PDE7A: variants seen among roughly 807,000 people sequenced by gnomAD.
PDE7A encodes phosphodiesterase 7A.
PDE7A carries 39 observed loss-of-function variants against 64.3 expected under a neutral mutation model. The observed-to-expected ratio is 0.61, with a 90% confidence interval of 0.47 to 0.79. The LOEUF (loss-of-function observed/expected upper bound fraction) is 0.79, where lower values mean the gene tolerates loss of function less well. PDE7A is among the 30% of genes least tolerant of loss of function. The probability of loss-of-function intolerance (pLI) is 0.00; values close to 1 mark genes in which losing one functional copy is unlikely to be tolerated. For missense variants in PDE7A, 470 were observed against 582.8 expected (o/e 0.81, Z 1.99); for synonymous variants, 203 against 206.8 (o/e 0.98, Z 0.16).
At chr8:65,724,980 T>C in intron 9 of PDE7A, 59 bp from the exon 10 acceptor site, 2 of 1,146,896 alleles carry the variant, frequency 1.7e-6, no homozygotes, top group South Asian at 3.5e-5. Flanking sequence ...ATTTATTGAT[T>C]TTTTTTCTTA....
chr8:65,781,174 G>T (rs781437166), intron 2 of PDE7A, among the ~76,000 whole-genome samples: 1 of 152,168 alleles, frequency 6.6e-6, no homozygotes, highest in Non-Finnish European at 1.5e-5. Flanking sequence ...GTCAGAGAAG[G>T]CCTCACTGAA....
chr8:65,741,149 C>T (rs1476892963), intron 5 of PDE7A, among the ~76,000 whole-genome samples: 1 of 152,140 alleles, frequency 6.6e-6, no homozygotes, highest in Admixed American at 6.5e-5. Context: ...CCATAGGACA[C>T]ATATACTATA....
chr8:65,837,499 T>C (rs1301894150), intron 1 of PDE7A, among the ~76,000 whole-genome samples: 1 of 152,236 alleles, frequency 6.6e-6, no homozygotes, highest in African/African-American at 2.4e-5. Context: ...ATTTAGATTT[T>C]GTATACACCT....
At chr8:65,762,484 G>A (rs1406791478) in intron 3 of PDE7A, among the ~76,000 whole-genome samples, 1 of 152,162 alleles carries the variant, frequency 6.6e-6, no homozygotes, top group African/African-American at 2.4e-5. Context: ...ACACATCTGA[G>A]TTTGAATCCC....
chr8:65,828,338 A>G (rs1335694936), intron 1 of PDE7A, among the ~76,000 whole-genome samples: 1 of 152,156 alleles, frequency 6.6e-6, no homozygotes, highest in Non-Finnish European at 1.5e-5. Flanking sequence ...AATGGCTGTT[A>G]AATTGACAGG....
chr8:65,744,256 A>G (rs1007108888), intron 5 of PDE7A, among the ~76,000 whole-genome samples: 1 of 152,228 alleles, frequency 6.6e-6, no homozygotes, highest in Non-Finnish European at 1.5e-5. Flanking sequence ...AACAGGCATG[A>G]AGGAACTTTT....
chr8:65,841,321 G>A (rs767071548), intron 1 of PDE7A, 50 bp downstream of exon 1: 7 of 1,447,100 alleles, frequency 4.8e-6, no homozygotes, highest in African/African-American at 3.0e-5. Context: ...GTGGGCAGAG[G>A]GAAACAAAAG....
chr8:65,827,834 A>G lies in PDE7A; in HGVS notation c.138+13537T>C, dbSNP rs1585951812. Among the ~76,000 whole-genome samples the G allele has an allele frequency of 2.0e-5, 3 of 152,294 alleles. No homozygotes were observed. In the South Asian group the frequency reaches 6.2e-4, roughly 32 times the overall value. On this transcript the variant is annotated intron_variant, in intron 1 of 12. Coordinates refer to ENST00000401827, the MANE Select transcript of PDE7A (RefSeq NM_001242318.3). Reference sequence around the variant, plus strand: ...ATTTGTGTAAATATGATGTTCACACAACGACGAAATCGCCTAATGATGCAT... The same window carrying G: ...ATTTGTGTAAATATGATGTTCACACGACGACGAAATCGCCTAATGATGCAT...
At chr8:65,834,570 C>T (rs191861948) in intron 1 of PDE7A, among the ~76,000 whole-genome samples, 2 of 152,268 alleles carry the variant, frequency 1.3e-5, no homozygotes, top group East Asian at 1.9e-4. Flanking sequence ...TTTATATGGT[C>T]CTGAACTACA....
intron 1 of PDE7A, chr8:65,789,146 T>A: frequency 9.7e-7 from 1 of 1,031,726 alleles, no homozygotes. Context: ...ACCCAGCGCA[T>A]GCTTCATGCC....
intron 7 of PDE7A, among the ~76,000 whole-genome samples, chr8:65,733,865 C>T (rs1360451110): frequency 5.9e-5 from 9 of 152,094 alleles, no homozygotes; most frequent in African/African-American, 9.7e-5. Flanking sequence ...TCCTGTTTCC[C>T]GCCTAACACC....
intron 1 of PDE7A, among the ~76,000 whole-genome samples, chr8:65,798,206 A>ATATT: frequency 2.6e-3 from 191 of 73,802 alleles, no homozygotes; most frequent in African/African-American, 5.9e-3. Context: ...ATATATATAT[A>ATATT]TTTTTTTTTT....
Position 65,714,503 on chromosome 8 carries a change from A to C in PDE7A, c.*4787T>G, listed in dbSNP as rs1278780909. ...GGCTCTTGGGGGCCTTCCAGATGAC[A>C]CAAGTCATTATTAGCAAGGAACAAG... On this transcript the variant is annotated 3_prime_UTR_variant, in exon 13 of 13. Coordinates refer to ENST00000401827, the MANE Select transcript of PDE7A (RefSeq NM_001242318.3). 3 of 152,058 alleles carry C rather than the reference A, an allele frequency of 2.0e-5. No homozygotes were observed. The highest frequency in any genetic ancestry group is 4.4e-5 in the Non-Finnish European group (3 of 68,024). The allele number at this position is 152,058 out of a possible 1,614,324, so 9.4% of individuals were successfully genotyped here.
At chr8:65,805,018 A>T (rs74344373) in intron 1 of PDE7A, among the ~76,000 whole-genome samples, 9,562 of 151,816 alleles carry the variant, frequency 0.063, 378 homozygotes, top group Middle Eastern at 0.11. Flanking sequence ...TTTTGAAAAA[A>T]TTTTTGGTAG....
At chr8:65,754,331 A>C (rs752099844) in intron 3 of PDE7A, among the ~76,000 whole-genome samples, 2 of 151,994 alleles carry the variant, frequency 1.3e-5, no homozygotes, top group Non-Finnish European at 2.9e-5. Flanking sequence ...CCTCACAGAC[A>C]CACCCAGGAT....
intron 1 of PDE7A, among the ~76,000 whole-genome samples, chr8:65,813,832 C>T (rs1160679910): frequency 1.3e-5 from 2 of 152,174 alleles, no homozygotes; most frequent in African/African-American, 4.8e-5. Flanking sequence ...ATCAGGCTCC[C>T]TTACAGCATC....
intron 3 of PDE7A, among the ~76,000 whole-genome samples, chr8:65,762,677 T>C (rs567514708): frequency 6.6e-5 from 10 of 152,360 alleles, no homozygotes; most frequent in African/African-American, 1.4e-4. Flanking sequence ...GACATGGTCA[T>C]TATTATGAAT....
At position 65,783,402 on chromosome 8, in the gene PDE7A, G is replaced by A. The variant is rs1809469497; in HGVS notation, c.139-559C>T. On this transcript the variant is annotated intron_variant, in intron 1 of 12. Coordinates refer to ENST00000401827, the MANE Select transcript of PDE7A (RefSeq NM_001242318.3). Reference sequence around the variant, plus strand: ...ACTGTGGCCTCCCCCACTGCTAGGAGACAGCCAAGCCGGTCTCCTGGCTTT... The same window carrying A: ...ACTGTGGCCTCCCCCACTGCTAGGAAACAGCCAAGCCGGTCTCCTGGCTTT... 2.6e-5 allele frequency among the ~76,000 whole-genome samples: 4 copies of A among 152,276 alleles called. No homozygotes were observed. In the South Asian group the frequency reaches 8.3e-4, roughly 32 times the overall value.
At chr8:65,776,199 A>G (rs1461719390) in intron 3 of PDE7A, among the ~76,000 whole-genome samples, 4 of 152,006 alleles carry the variant, frequency 2.6e-5, no homozygotes, top group African/African-American at 7.3e-5. Context: ...TGAAATTGCT[A>G]TTTCTACCCA....
Sources: allele counts gnomAD v4.1 joint callset (sites outside exome capture counted in the v4.1 genomes callset), GRCh38; gene constraint gnomAD v4.1.1; transcripts MANE v1.5; gene names NCBI Gene and HGNC (gene_info 2026-07-23, HGNC 2026-07-21).